Variants in CHAC2 observed in about 807,000 individuals in gnomAD.
CHAC2 encodes the protein ChaC glutathione specific gamma-glutamylcyclotransferase 2.
In CHAC2, 20 loss-of-function variants were observed where a neutral mutation model predicts 16.9. That is an observed-to-expected ratio of 1.18 (90% CI 0.83 to 1.72). The LOEUF is 1.72. Ranked by LOEUF, CHAC2 falls within the 40% of genes most tolerant of loss-of-function variation. The pLI, the probability that CHAC2 is intolerant of heterozygous loss-of-function variation, is 0.00. For missense variants in CHAC2, 269 were observed against 222.2 expected (o/e 1.21, Z -1.34); for synonymous variants, 91 against 77.3 (o/e 1.18, Z -0.93).
In CHAC2 at chr2:53,767,861, C is replaced by A; in HGVS notation, c.-26C>A. 2 of 1,590,898 alleles carry A rather than the reference C, an allele frequency of 1.3e-6. No individual in the cohort carries two copies. The highest frequency in any genetic ancestry group is 1.7e-6 in the Non-Finnish European group (2 of 1,168,608). On this transcript the variant is annotated 5_prime_UTR_variant, in exon 1 of 3. Transcript: ENST00000295304. ...CGCGGCGACAGCTAGGGTTCACGGC[C>A]ACTGGGGCAGAGGAGCCGCGAGAAG... is the stretch of plus-strand genomic sequence containing the variant.
chr2:53,769,343 T>C (rs1393641165), intron 1 of CHAC2, among the ~76,000 whole-genome samples: 1 of 152,210 alleles, frequency 6.6e-6, no homozygotes, highest in Non-Finnish European at 1.5e-5. Context: ...TATTTAAAAT[T>C]GCCATTCCGA....
chr2:53,773,764 G>C (rs920218957), intron 2 of CHAC2, among the ~76,000 whole-genome samples: 3 of 151,762 alleles, frequency 2.0e-5, no homozygotes, highest in African/African-American at 7.2e-5. Flanking sequence ...GGCAGGCATG[G>C]TGGTTCACAC....
intron 1 of CHAC2, among the ~76,000 whole-genome samples, chr2:53,770,378 T>C (rs1400381717): frequency 6.6e-6 from 1 of 152,070 alleles, no homozygotes; most frequent in Non-Finnish European, 1.5e-5. Flanking sequence ...AGGCTCGCTA[T>C]GTGCCAGACA....
chr2:53,774,148 G>A lies in CHAC2; in HGVS notation c.178G>A (p.Val60Ile), dbSNP rs755017359. The change falls in exon 3 of 3, where the codon GTA becomes ATA. Residue 60 changes from valine to isoleucine, a missense_variant. By Grantham distance (29) the Val-to-Ile change is conservative. Coordinates refer to ENST00000295304, the MANE Select transcript of CHAC2 (RefSeq NM_001008708.4). ...VTLVEDPAGC[V>I]WGVAYRLPVG... Reference sequence around the variant, plus strand: ...TCTTTTCATTTTTCAACAGGGATGTGTATGGGGTGTTGCTTACAGATTGCC... The same window carrying A: ...TCTTTTCATTTTTCAACAGGGATGTATATGGGGTGTTGCTTACAGATTGCC... 3.7e-6 allele frequency: 6 copies of A among 1,603,610 alleles called. No homozygotes were observed. The highest frequency in any genetic ancestry group is 4.3e-6 in the Non-Finnish European group (5 of 1,175,936).
In CHAC2 at chr2:53,774,463, T is replaced by G. The variant is rs1445835913; in HGVS notation, c.493T>G (p.Phe165Val). The G allele has an allele frequency of 6.3e-7, 1 of 1,593,520 alleles. No homozygotes were observed. The highest frequency in any genetic ancestry group is 1.2e-5 in the South Asian group (1 of 86,402). The part of the protein sequence containing the change: ...LVPEEADEHL[F>V]ALEKLVKERL... ...GCCAGAAGAAGCAGATGAGCATCTT[T>G]TCGCTTTGGAAAAATTAGTAAAGGA... Residue 165 changes from phenylalanine (F) to valine (V), a missense_variant, in exon 3 of 3, where the codon TTC (phenylalanine) becomes GTC (valine). Physicochemically the swap from Phe to Val is conservative, Grantham distance 50 (BLOSUM62 -1). Transcript: ENST00000295304.
chr2:53,769,260 C>G (rs982950268), intron 1 of CHAC2, among the ~76,000 whole-genome samples: 1 of 152,160 alleles, frequency 6.6e-6, no homozygotes. Context: ...CCTCTGATCC[C>G]AACACTTCGG....
chr2:53,774,352 G>A lies in CHAC2; in HGVS notation c.382G>A (p.Ala128Thr), dbSNP rs1301845196. 5.0e-6 allele frequency: 8 copies of A among 1,613,152 alleles called. No individual in the cohort carries two copies. The highest frequency in any genetic ancestry group is 6.8e-6 in the Non-Finnish European group (8 of 1,179,846). The change falls in exon 3 of 3, where the codon GCT (alanine) becomes ACT (threonine). Residue 128 changes from alanine to threonine, a missense_variant. Coordinates refer to ENST00000295304, the MANE Select transcript of CHAC2 (RefSeq NM_001008708.4). ...TGGTCCTGCACCTCTGGAAGACATT[G>A]CTGAACAAATTTTTAATGCAGCTGG... ...YLGPAPLEDI[A>T]EQIFNAAGPS...
intron 2 of CHAC2, among the ~76,000 whole-genome samples, chr2:53,772,239 ATC>A (rs574326594): frequency 1.0e-3 from 153 of 152,268 alleles, no homozygotes; most frequent in Admixed American, 4.1e-3. Flanking sequence ...CAGTGGCGCG[ATC>A]TCGGCTCACT....
rs1026264960 is a variant in CHAC2, at chr2:53,774,787, T to C, written c.*262T>C. 1.1e-4 allele frequency: 33 copies of C among 299,930 alleles called. No homozygotes were observed. Among genetic ancestry groups the C allele is most frequent in the Non-Finnish European group, 3.0e-5 (5 of 163,966 alleles). The allele number at this position is 299,930 out of a possible 1,614,324, so 18.6% of individuals were successfully genotyped here. On this transcript the variant is annotated 3_prime_UTR_variant, in exon 3 of 3. Coordinates refer to ENST00000295304, the MANE Select transcript of CHAC2 (RefSeq NM_001008708.4). ...TCTTTAGAAAAATACAGTGAAGGACTCAGTTCAGTCTTGTTTTTATCAGAG... is the reference window on the plus strand; with the variant it reads ...TCTTTAGAAAAATACAGTGAAGGACCCAGTTCAGTCTTGTTTTTATCAGAG...
At position 53,767,968 on chromosome 2, in the gene CHAC2, T is replaced by C; in HGVS notation, c.82T>C (p.Tyr28His). The C allele has an allele frequency of 1.2e-6, 2 of 1,614,122 alleles. No individual in the cohort carries two copies. The highest frequency in any genetic ancestry group is 1.7e-6 in the Non-Finnish European group (2 of 1,180,002). Reference protein sequence around the residue: ...QDKLVGYITNYSRRFWQGSTD... With the variant: ...QDKLVGYITNHSRRFWQGSTD... ...CAAGCTGGTCGGATACATCACCAAC[T>C]ACAGCAGGCGCTTCTGGCAGGGCAG... The change falls in exon 1 of 3, where the codon TAC (tyrosine) becomes CAC (histidine). Residue 28 changes from tyrosine (Y) to histidine (H), a missense_variant. Transcript: ENST00000295304.
chr2:53,772,119 T>C (rs964735573), intron 2 of CHAC2, among the ~76,000 whole-genome samples, 177 bp downstream of exon 2: 5 of 152,118 alleles, frequency 3.3e-5, no homozygotes, highest in African/African-American at 1.2e-4. Flanking sequence ...TAAGAAAAGT[T>C]AGAATGCAGA....
Position 53,770,188 on chromosome 2 carries a change from T to C in CHAC2, c.136-1719T>C, listed in dbSNP as rs1022367500. On this transcript the variant is annotated intron_variant, in intron 1 of 2. Coordinates refer to ENST00000295304, the MANE Select transcript of CHAC2 (RefSeq NM_001008708.4). ...ATGTCCAAGAACACAGGAACGTTTA[T>C]AGTTCATCAATGACACAATATTATG... Among the ~76,000 whole-genome samples the C allele has an allele frequency of 5.3e-5, 8 of 152,278 alleles. No individual in the cohort carries two copies. In the East Asian group the frequency reaches 5.8e-4, roughly 11 times the overall value.
At chr2:53,768,289 C>A in intron 1 of CHAC2, 1 of 415,282 alleles carries the variant, frequency 2.4e-6, no homozygotes, top group Non-Finnish European at 4.4e-6. Context: ...GAGCTCGCAC[C>A]AGGCTGAGTG....
At position 53,774,186 on chromosome 2, in the gene CHAC2, A is replaced by T; in HGVS notation, c.216A>T (p.Glu72Asp). ...GVAYRLPVGK[E>D]EEVKAYLDFR... ...CTTACAGATTGCCAGTAGGAAAGGAAGAAGAAGTAAAAGCATACCTTGACT... is the reference window on the plus strand; with the variant it reads ...CTTACAGATTGCCAGTAGGAAAGGATGAAGAAGTAAAAGCATACCTTGACT... Residue 72 changes from glutamate to aspartate, a missense_variant, in exon 3 of 3, where the codon GAA becomes GAT. Transcript: ENST00000295304. 1 of 1,612,782 alleles carries T rather than the reference A, an allele frequency of 6.2e-7. No individual in the cohort carries two copies. The highest frequency in any genetic ancestry group is 8.5e-7 in the Non-Finnish European group (1 of 1,179,516).
Position 53,770,416 on chromosome 2 carries a change from G to C in CHAC2, c.136-1491G>C, listed in dbSNP as rs1233495517. 9.3e-5 allele frequency among the ~76,000 whole-genome samples: 14 copies of C among 150,788 alleles called. No homozygotes were observed. The Admixed American group carries it at 9.3e-4, about 10-fold the overall frequency. On this transcript the variant is annotated intron_variant, in intron 1 of 2. Transcript: ENST00000295304. ...GGGCATACAAGTAGGTAAAATTGTGGCTTATGACTCAGCATTCCCATGAAT... is the reference window on the plus strand; with the variant it reads ...GGGCATACAAGTAGGTAAAATTGTGCCTTATGACTCAGCATTCCCATGAAT...
chr2:53,774,590 A>G lies in CHAC2; in HGVS notation c.*65A>G, dbSNP rs1674202123. On this transcript the variant is annotated 3_prime_UTR_variant, in exon 3 of 3. Transcript: ENST00000295304. Reference sequence around the variant, plus strand: ...TATGATTTGGAAATACGTTTACTTAAAGATCTTATTTTTAATGTAGTGAGG... The same window carrying G: ...TATGATTTGGAAATACGTTTACTTAGAGATCTTATTTTTAATGTAGTGAGG... 4.1e-6 allele frequency: 5 copies of G among 1,222,522 alleles called. No homozygotes were observed. In the South Asian group the frequency reaches 8.8e-5, roughly 21 times the overall value. 75.7% of individuals were successfully genotyped at this position (1,222,522 alleles called of 1,614,324 possible).
intron 2 of CHAC2, among the ~76,000 whole-genome samples, chr2:53,772,757 T>C (rs745363719): frequency 8.5e-5 from 13 of 152,200 alleles, no homozygotes; most frequent in Admixed American, 2.0e-4. Context: ...GTTTGTTACA[T>C]AGGTAAACAT....
intron 1 of CHAC2, 24 bp from the exon 2 acceptor site, chr2:53,771,883 T>C: frequency 7.0e-7 from 1 of 1,421,920 alleles, no homozygotes; most frequent in Admixed American, 2.0e-5. Flanking sequence ...TTCAGAAAAA[T>C]TTTTTTTTAC....
intron 1 of CHAC2, among the ~76,000 whole-genome samples, chr2:53,769,920 C>G (rs1444337316): frequency 6.6e-6 from 1 of 152,182 alleles, no homozygotes; most frequent in Non-Finnish European, 1.5e-5. Flanking sequence ...TACCATACAT[C>G]TTAGCCCATA....
Sources: gnomAD v4.1 joint callset for allele counts (sites outside exome capture counted in the v4.1 genomes callset) on GRCh38, gnomAD v4.1.1 for gene constraint, MANE v1.5 for transcripts, NCBI Gene and HGNC (gene_info 2026-07-23, HGNC 2026-07-21) for gene names.